DNAH8: variants seen among roughly 807,000 people sequenced by gnomAD.
DNAH8 encodes axonemal beta dynein heavy chain 8.
A neutral mutation model predicts 562.1 loss-of-function variants in DNAH8; 382 were observed. That is an observed-to-expected ratio of 0.68 (90% CI 0.63 to 0.74). The LOEUF (loss-of-function observed/expected upper bound fraction) is 0.74, where lower values mean the gene tolerates loss of function less well. DNAH8 is among the 30% of genes least tolerant of loss of function. DNAH8 has a pLI of 0.00. For missense variants in DNAH8, 5,203 were observed against 5,620.4 expected (o/e 0.93, Z 2.37); for synonymous variants, 1,881 against 1,919.4 (o/e 0.98, Z 0.52).
chr6:38,910,066 A>AT (rs1780770448), intron 65 of DNAH8, among the ~76,000 whole-genome samples: 1 of 152,238 alleles, frequency 6.6e-6, no homozygotes, highest in South Asian at 2.1e-4. Flanking sequence ...ACTGTTTAAA[A>AT]TTAGTTTCTT....
At chr6:38,978,128 T>C (rs1763796430) in intron 85 of DNAH8, among the ~76,000 whole-genome samples, 2 of 152,194 alleles carry the variant, frequency 1.3e-5, no homozygotes, top group African/African-American at 2.4e-5. Flanking sequence ...TCAAACAGCT[T>C]ATATATAACT....
At chr6:38,860,277 G>A (rs1041886922) in intron 42 of DNAH8, among the ~76,000 whole-genome samples, 180 bp from the exon 43 acceptor site, 23 of 152,088 alleles carry the variant, frequency 1.5e-4, no homozygotes, top group African/African-American at 5.1e-4. Flanking sequence ...AGCTCTGGAA[G>A]CCTGGAACCA....
chr6:38,719,424 C>T (rs1762582801), intron 1 of DNAH8, among the ~76,000 whole-genome samples: 2 of 152,034 alleles, frequency 1.3e-5, no homozygotes, highest in African/African-American at 4.8e-5. Flanking sequence ...CTCTTGTTTC[C>T]ATCTTTATGT....
intron 49 of DNAH8, among the ~76,000 whole-genome samples, chr6:38,871,375 A>T (rs1310356610): frequency 6.6e-6 from 1 of 152,218 alleles, no homozygotes; most frequent in Non-Finnish European, 1.5e-5. Flanking sequence ...AGTTTAAAAA[A>T]TTTCTGGGAA....
chr6:38,875,583 A>G lies in DNAH8; in HGVS notation c.7621-8A>G. Reference sequence around the variant, plus strand: ...TTTAAAAATTTATTTTATTTGAAACATTTTCAGTCTCTCAATCTTCTGGAA... The same window carrying G: ...TTTAAAAATTTATTTTATTTGAAACGTTTTCAGTCTCTCAATCTTCTGGAA... On this transcript the variant is annotated splice_polypyrimidine_tract_variant and splice_region_variant and intron_variant, in intron 52 of 92. Coordinates refer to ENST00000327475, the MANE Select transcript of DNAH8 (RefSeq NM_001206927.2). 6.9e-7 allele frequency: 1 copy of G among 1,458,334 alleles called. No homozygotes were observed. The highest frequency in any genetic ancestry group is 1.4e-5 in the African/African-American group (1 of 70,520). 90.3% of individuals were successfully genotyped at this position (1,458,334 alleles called of 1,614,324 possible).
Position 38,815,645 on chromosome 6 carries a change from A to T in DNAH8, c.3511A>T (p.Lys1171Ter), listed in dbSNP as rs1772190647. The T allele has an allele frequency of 3.1e-6, 5 of 1,612,188 alleles. No individual in the cohort carries two copies. Among genetic ancestry groups the T allele is most frequent in the Non-Finnish European group, 4.2e-6 (5 of 1,178,742 alleles). ...CCATCAAAACACAGGAAAACTGCTG[A>T]AGAAGGAAGAAAGTAAGAATGTAAA... ...VTHQNTGKLL[K>*]KEERSFEEAI... The change falls in exon 26 of 93, where the codon AAG becomes TAG. Residue 1171 changes from lysine to a stop codon, truncating the protein, a stop_gained. Coordinates refer to ENST00000327475, the MANE Select transcript of DNAH8 (RefSeq NM_001206927.2). LOFTEE classifies it high-confidence loss of function.
intron 12 of DNAH8, 46 bp from the exon 13 acceptor site, chr6:38,775,708 C>G (rs774868999): frequency 1.7e-6 from 2 of 1,193,440 alleles, no homozygotes; most frequent in Non-Finnish European, 2.4e-6. Context: ...AGGGAAGTTG[C>G]CTGCTATCTC....
chr6:38,871,778 G>A (rs1777483823), intron 49 of DNAH8, among the ~76,000 whole-genome samples: 1 of 152,150 alleles, frequency 6.6e-6, no homozygotes, highest in Non-Finnish European at 1.5e-5. Context: ...GAGGCCTGGA[G>A]CCATTTTGTT....
intron 88 of DNAH8, among the ~76,000 whole-genome samples, chr6:39,001,942 G>A (rs1765516551): frequency 6.6e-6 from 1 of 152,054 alleles, no homozygotes; most frequent in Admixed American, 6.6e-5. Flanking sequence ...TGGAACTAGA[G>A]CTTGGAAACT....
intron 36 of DNAH8, among the ~76,000 whole-genome samples, chr6:38,847,556 A>G (rs1217854179): frequency 6.6e-6 from 1 of 152,094 alleles, no homozygotes; most frequent in Non-Finnish European, 1.5e-5. Flanking sequence ...GTACAACTCC[A>G]TTTATAACTT....
intron 38 of DNAH8, among the ~76,000 whole-genome samples, chr6:38,851,115 T>G (rs1775706841): frequency 6.6e-6 from 1 of 152,168 alleles, no homozygotes; most frequent in South Asian, 2.1e-4. Flanking sequence ...GTCAGGATAA[T>G]TTTTTTAAGG....
rs75177942 is a variant in DNAH8 at position 38,870,972 on chromosome 6, T to C, written c.6990+410T>C. The stretch of plus-strand genomic sequence containing the variant: ...GCTCCTGCTTTGTGTGTGGACATGT[T>C]ATATCCTTCACCTACACTAAAACCT... On this transcript the variant is annotated intron_variant, in intron 49 of 92. Transcript: ENST00000327475. 3.2e-3 allele frequency among the ~76,000 whole-genome samples: 487 copies of C among 152,296 alleles called. 2 individuals carry two copies. Among genetic ancestry groups the C allele is most frequent in the African/African-American group, 0.011 (452 of 41,572 alleles).
At chr6:38,903,756 C>T (rs1455264261) in intron 62 of DNAH8, among the ~76,000 whole-genome samples, 7 of 151,710 alleles carry the variant, frequency 4.6e-5, no homozygotes, top group African/African-American at 1.5e-4. Flanking sequence ...GGATTACAGG[C>T]GAGCACCACC....
intron 12 of DNAH8, among the ~76,000 whole-genome samples, chr6:38,771,412 A>G (rs1767563135): frequency 6.6e-6 from 1 of 152,146 alleles, no homozygotes. Flanking sequence ...TTAATATACT[A>G]TTTACCCACT....
chr6:38,768,703 T>C (rs1767264025), intron 11 of DNAH8, among the ~76,000 whole-genome samples: 1 of 152,248 alleles, frequency 6.6e-6, no homozygotes. Flanking sequence ...AATATTATCT[T>C]ACTAAACTTT....
intron 38 of DNAH8, 39 bp from the exon 39 acceptor site, chr6:38,851,533 A>T: frequency 7.3e-7 from 1 of 1,376,858 alleles, no homozygotes; most frequent in Non-Finnish European, 1.0e-6. Flanking sequence ...TTAGGGGAAA[A>T]AAAACCACTT....
At chr6:38,883,834 T>C in intron 55 of DNAH8, 42 bp from the exon 56 acceptor site, 1 of 1,463,038 alleles carries the variant, frequency 6.8e-7, no homozygotes, top group African/African-American at 1.4e-5. Context: ...GAAGTATGGA[T>C]TAAAATCTAA....
chr6:38,936,032 T>TA (rs1321486330), intron 77 of DNAH8, among the ~76,000 whole-genome samples: 1 of 151,980 alleles, frequency 6.6e-6, no homozygotes, highest in African/African-American at 2.4e-5. Context: ...CTATTTTTTT[T>TA]TTTTTTTTGA....
At chr6:38,978,381 A>C (rs925471080) in intron 85 of DNAH8, among the ~76,000 whole-genome samples, 2 of 152,192 alleles carry the variant, frequency 1.3e-5, no homozygotes, top group Non-Finnish European at 2.9e-5. Context: ...CTCAAGTTTG[A>C]GCCTTGATAA....
Sources: gnomAD v4.1 joint callset for allele counts (sites outside exome capture counted in the v4.1 genomes callset) on GRCh38, gnomAD v4.1.1 for gene constraint, MANE v1.5 for transcripts, NCBI Gene and HGNC (gene_info 2026-07-23, HGNC 2026-07-21) for gene names.